Variants in TRPC5 observed in about 807,000 individuals in gnomAD.
TRPC5 encodes short transient receptor potential channel 5.
TRPC5 carries 9 observed loss-of-function variants against 56.5 expected under a neutral mutation model. That is an observed-to-expected ratio of 0.16 (90% CI 0.10 to 0.28). The LOEUF (loss-of-function observed/expected upper bound fraction) is 0.28. TRPC5 is among the 10% of genes least tolerant of loss of function. The pLI is 1.00. For missense variants in TRPC5, 469 were observed against 748.9 expected (o/e 0.63, Z 4.36); for synonymous variants, 282 against 278.5 (o/e 1.01, Z -0.13).
intron 3 of TRPC5, among the ~76,000 whole-genome samples, chrX:111,887,001 T>C (rs149088705): frequency 2.0e-3 from 222 of 112,636 alleles, no homozygotes; most frequent in African/African-American, 6.9e-3. Flanking sequence ...CAGCTTCCTG[T>C]TTGGTGGTAC....
At chrX:111,907,479 G>T (rs1033676524) in intron 3 of TRPC5, among the ~76,000 whole-genome samples, 1 of 109,645 alleles carries the variant, frequency 9.1e-6, no homozygotes, top group Non-Finnish European at 1.9e-5. Flanking sequence ...ACAAAAATTA[G>T]CCAGGCGTGG....
At chrX:111,868,246 A>G (rs1005048640) in intron 3 of TRPC5, among the ~76,000 whole-genome samples, 10 of 112,135 alleles carry the variant, frequency 8.9e-5, no homozygotes, top group Admixed American at 3.8e-4. Context: ...CTTTTGAGAA[A>G]TAAGCCAGGC....
intron 6 of TRPC5, among the ~76,000 whole-genome samples, chrX:111,837,485 C>G: frequency 8.9e-6 from 1 of 111,749 alleles, no homozygotes. Context: ...GTAGGAATGT[C>G]ATTCTGAGGA....
intron 1 of TRPC5, among the ~76,000 whole-genome samples, chrX:111,971,454 G>T (rs988454886): frequency 1.9e-4 from 21 of 111,400 alleles, no homozygotes; most frequent in African/African-American, 5.9e-4. Flanking sequence ...TTGTAAACCT[G>T]TACTCAGAAG....
At chrX:111,995,965 T>G (rs899886973) in intron 1 of TRPC5, among the ~76,000 whole-genome samples, 2 of 110,589 alleles carry the variant, frequency 1.8e-5, no homozygotes, top group African/African-American at 3.3e-5. Context: ...GGTTTTTTTT[T>G]TGTGTGTCTC....
chrX:111,836,764 C>T (rs1264866849), intron 6 of TRPC5, among the ~76,000 whole-genome samples: 1 of 112,462 alleles, frequency 8.9e-6, no homozygotes, highest in Non-Finnish European at 1.9e-5. Context: ...GACTAAATGA[C>T]ATTTATTGAA....
At chrX:111,791,317 A>G (rs1016048488) in intron 7 of TRPC5, among the ~76,000 whole-genome samples, 4 of 111,617 alleles carry the variant, frequency 3.6e-5, no homozygotes, top group African/African-American at 1.3e-4. Context: ...CAATGGATTC[A>G]TAAGCAGAGG....
chrX:112,049,447 AC>A (rs1930156321), intron 1 of TRPC5, among the ~76,000 whole-genome samples: 1 of 107,677 alleles, frequency 9.3e-6, no homozygotes, highest in Non-Finnish European at 1.9e-5. Flanking sequence ...ACACACACAC[AC>A]ACACACATAT....
At chrX:111,944,689 G>T (rs1926888521) in intron 2 of TRPC5, among the ~76,000 whole-genome samples, 2 of 111,385 alleles carry the variant, frequency 1.8e-5, no homozygotes, top group South Asian at 3.9e-4. Flanking sequence ...TTTAGGTAAA[G>T]AGACACAGAA....
At chrX:111,893,790 G>A (rs1924926509) in intron 3 of TRPC5, among the ~76,000 whole-genome samples, 1 of 111,943 alleles carries the variant, frequency 8.9e-6, no homozygotes, top group African/African-American at 3.2e-5. Context: ...TCCTATAACA[G>A]GCAAATGCTG....
intron 1 of TRPC5, among the ~76,000 whole-genome samples, chrX:112,079,128 C>T (rs765768785): frequency 2.7e-5 from 3 of 111,880 alleles, no homozygotes; most frequent in East Asian, 2.8e-4. Context: ...AGAGATTCTG[C>T]GCCTTATATT....
intron 1 of TRPC5, among the ~76,000 whole-genome samples, chrX:111,993,120 C>T (rs1315532286): frequency 1.1e-5 from 1 of 94,158 alleles, no homozygotes; most frequent in Non-Finnish European, 2.0e-5. Flanking sequence ...TCTCATTGTT[C>T]AGTTCCTGCC....
chrX:112,005,721 C>CA (rs1234536843), intron 1 of TRPC5, among the ~76,000 whole-genome samples: 1 of 111,212 alleles, frequency 9.0e-6, no homozygotes, highest in Non-Finnish European at 1.9e-5. Flanking sequence ...AGGACCCATG[C>CA]AAAAAGCTTA....
intron 7 of TRPC5, among the ~76,000 whole-genome samples, chrX:111,805,936 G>T (rs1310088655): frequency 9.0e-6 from 1 of 111,151 alleles, no homozygotes; most frequent in Non-Finnish European, 1.9e-5. Context: ...GCCTCCCAAA[G>T]TGCTGGGATT....
chrX:111,793,357 G>A (rs1946037271), intron 7 of TRPC5, among the ~76,000 whole-genome samples: 1 of 112,010 alleles, frequency 8.9e-6, no homozygotes, highest in Non-Finnish European at 1.9e-5. Context: ...GCTCAGCAAT[G>A]AAAAGACAAA....
intron 7 of TRPC5, among the ~76,000 whole-genome samples, chrX:111,829,371 C>G (rs1253923911): frequency 1.8e-5 from 2 of 108,606 alleles, no homozygotes; most frequent in Admixed American, 2.0e-4. Context: ...AAAGAAAAAC[C>G]TATTTTCTGG....
At chrX:111,845,175 T>A (rs1196935137) in intron 6 of TRPC5, among the ~76,000 whole-genome samples, 3 of 110,906 alleles carry the variant, frequency 2.7e-5, no homozygotes, top group Non-Finnish European at 5.7e-5. Flanking sequence ...GAGAGAGAGG[T>A]TGCAGTGAGC....
Position 111,912,325 on chromosome X carries a change from T to C in TRPC5, c.866A>G (p.Lys289Arg), listed in dbSNP as rs1389494166. Residue 289 changes from lysine (K) to arginine (R), a missense_variant, in exon 3 of 11, where the codon AAG (lysine) becomes AGG (arginine). Physicochemically the swap from Lys to Arg is conservative, Grantham distance 26. Coordinates refer to ENST00000262839, the MANE Select transcript of TRPC5 (RefSeq NM_012471.3). ...LDPQKYHDLA[K>R]LKVAIKYHQK... is the part of the protein sequence containing the mutation. ...GTGGTATTTGATTGCCACCTTCAAC[T>C]TGGCCAGGTCATGGTACTTCTGAGG... The C allele has an allele frequency of 8.3e-7, 1 of 1,205,867 alleles. No individual in the cohort carries two copies. The highest frequency in any genetic ancestry group is 1.8e-5 in the South Asian group (1 of 55,793).
chrX:112,047,405 G>A (rs1030788372), intron 1 of TRPC5, among the ~76,000 whole-genome samples: 13 of 111,489 alleles, frequency 1.2e-4, no homozygotes, highest in Admixed American at 4.7e-4. Context: ...GGTAGGCCCT[G>A]AGAATATGCA....
Sources: gnomAD v4.1 joint callset for allele counts (sites outside exome capture counted in the v4.1 genomes callset) on GRCh38, gnomAD v4.1.1 for gene constraint, MANE v1.5 for transcripts, NCBI Gene and HGNC (gene_info 2026-07-23, HGNC 2026-07-21) for gene names.